The following GPSM2 variants were observed in gnomAD, a reference collection of about 807,000 sequenced individuals.
GPSM2 encodes G protein signaling modulator 2.
Under a neutral mutation model 78.4 loss-of-function variants are expected in GPSM2, and 58 were observed. The observed-to-expected ratio is 0.74, with a 90% confidence interval of 0.60 to 0.92. GPSM2 has a LOEUF of 0.92. Among genes scored for constraint, GPSM2 ranks in the 40% least tolerant of loss-of-function variants. The probability of loss-of-function intolerance (pLI) is 0.00; values close to 1 mark genes in which losing one functional copy is unlikely to be tolerated. For missense variants in GPSM2, 700 were observed against 815.5 expected (o/e 0.86, Z 1.73); for synonymous variants, 224 against 280.2 (o/e 0.80, Z 2.00).
Position 108,896,971 on chromosome 1 carries a change from C to T in GPSM2, c.164C>T (p.Thr55Ile). 6.2e-7 allele frequency: 1 copy of T among 1,614,016 alleles called. No individual in the cohort carries two copies. Among genetic ancestry groups the T allele is most frequent in the Non-Finnish European group, 8.5e-7 (1 of 1,179,860 alleles). ...SFFEAAVQVG[T>I]EDLKTLSAIY... ...TTTGAAGCTGCAGTTCAAGTTGGAA[C>T]TGAAGACCTAAAAACACTTAGCGCT... Residue 55 changes from threonine to isoleucine, a missense_variant, in exon 3 of 15, where the codon ACT becomes ATT. Thr to Ile is a moderately conservative substitution (Grantham distance 89). Transcript: ENST00000264126.
At chr1:108,908,808 G>A (rs192689123) in intron 10 of GPSM2, among the ~76,000 whole-genome samples, 2 of 150,644 alleles carry the variant, frequency 1.3e-5, no homozygotes, top group South Asian at 2.1e-4. Flanking sequence ...AGTTTAGACC[G>A]ACTTGGGCAC....
At chr1:108,904,018 C>CT in intron 9 of GPSM2, 107 bp from the exon 10 acceptor site, 1 of 779,976 alleles carries the variant, frequency 1.3e-6, no homozygotes, top group Non-Finnish European at 2.2e-6. Context: ...TAACTATTTT[C>CT]ATTTCTCTAT....
chr1:108,877,573 ATG>A (rs1288587923), intron 1 of GPSM2: 1 of 151,436 alleles, frequency 6.6e-6, no homozygotes, highest in East Asian at 1.9e-4. Context: ...ACCACTCTGA[ATG>A]TGAGTAACAA....
Position 108,917,609 on chromosome 1 carries a change from C to CACAT in GPSM2, c.1264-1002_1264-999dup, listed in dbSNP as rs1557875513. Among the ~76,000 whole-genome samples the CACAT allele has an allele frequency of 3.1e-4, 28 of 90,264 alleles. 3 individuals carry two copies. In the East Asian group the frequency reaches 0.024, roughly 77 times the overall value. The allele number at this position is 90,264 out of a possible 152,430, so 59.2% of individuals were successfully genotyped here. A position where few individuals can be genotyped will look rare whatever the true frequency, so the allele number is the denominator to read the frequency against. On this transcript the variant is annotated intron_variant, in intron 11 of 14. Coordinates refer to ENST00000264126, the MANE Select transcript of GPSM2 (RefSeq NM_013296.5). The stretch of plus-strand genomic sequence containing the variant: ...CAACAAATGTATACACACACACACA[C>CACAT]ACATATATATATATATATATATATA...
At chr1:108,882,187 G>A (rs1437702353) in intron 1 of GPSM2, among the ~76,000 whole-genome samples, 1 of 152,172 alleles carries the variant, frequency 6.6e-6, no homozygotes, top group African/African-American at 2.4e-5. Context: ...TTGGTCTCAA[G>A]TGATCCTTCC....
At chr1:108,890,722 A>C (rs964117537) in intron 2 of GPSM2, among the ~76,000 whole-genome samples, 42 of 152,202 alleles carry the variant, frequency 2.8e-4, no homozygotes, top group African/African-American at 9.9e-4. Context: ...GTCCTCCTCT[A>C]TCCCTGGAGG....
At chr1:108,882,275 C>A (rs977330757) in intron 1 of GPSM2, among the ~76,000 whole-genome samples, 8 of 152,146 alleles carry the variant, frequency 5.3e-5, no homozygotes, top group Admixed American at 2.0e-4. Flanking sequence ...AATTTAATAT[C>A]AGTATCTGTG....
rs1557886914 is a variant in GPSM2 at position 108,931,344 on chromosome 1, C to CAAAGT, written c.*1407_*1411dup. 5 of 1,550,574 alleles carry CAAAGT rather than the reference C, an allele frequency of 3.2e-6. No homozygotes were observed. The highest frequency in any genetic ancestry group is 3.9e-5 in the Admixed American group (2 of 50,924). ...AAGGCAGTTTACAAGGGGATGATAA[C>CAAAGT]AAAGTAACTAACTAACTGTAGCAAA... On this transcript the variant is annotated 3_prime_UTR_variant, in exon 15 of 15. Coordinates refer to ENST00000264126, the MANE Select transcript of GPSM2 (RefSeq NM_013296.5).
chr1:108,898,838 G>A, intron 6 of GPSM2, 41 bp from the exon 7 acceptor site: 1 of 1,600,306 alleles, frequency 6.2e-7, no homozygotes, highest in Non-Finnish European at 8.6e-7. Context: ...TCATTCTTCA[G>A]TTTTATTTTA....
chr1:108,926,050 A>T (rs1651093340), intron 14 of GPSM2, among the ~76,000 whole-genome samples: 1 of 152,130 alleles, frequency 6.6e-6, no homozygotes, highest in South Asian at 2.1e-4. Context: ...ATCAGTTAAG[A>T]TTGGAGTTGG....
Position 108,904,308 on chromosome 1 carries a change from A to T in GPSM2, c.1192+54A>T, listed in dbSNP as rs916440758. 30 of 1,139,686 alleles carry T rather than the reference A, an allele frequency of 2.6e-5. 1 individual carries two copies. The African/African-American group carries it at 4.3e-4, about 16-fold the overall frequency. The allele number at this position is 1,139,686 out of a possible 1,614,324, so 70.6% of individuals were successfully genotyped here. ...TTTTTTATCCTCAATATTTAGATTA[A>T]AGTTATTTATCACAAATTTGGCATA... On this transcript the variant is annotated intron_variant, in intron 10 of 14. Transcript: ENST00000264126.
At position 108,885,554 on chromosome 1, in the gene GPSM2, A is replaced by G. The variant is rs1361448663; in HGVS notation, c.32A>G (p.Asp11Gly). Residue 11 changes from aspartate (D) to glycine (G), a missense_variant, in exon 2 of 15, where the codon GAC (aspartate) becomes GGC (glycine). Transcript: ENST00000264126. MEENLISMREDHSFHVRYRME... is the reference protein window; with the variant it reads MEENLISMREGHSFHVRYRME... Reference sequence around the variant, plus strand: ...GAAAATTTGATAAGCATGAGAGAAGACCATTCTTTTCATGTTCGTTACAGG... The same window carrying G: ...GAAAATTTGATAAGCATGAGAGAAGGCCATTCTTTTCATGTTCGTTACAGG... The G allele has an allele frequency of 6.3e-7, 1 of 1,583,358 alleles. No homozygotes were observed. Among genetic ancestry groups the G allele is most frequent in the South Asian group, 1.1e-5 (1 of 90,432 alleles).
At chr1:108,916,281 A>T (rs1343438277) in intron 11 of GPSM2, among the ~76,000 whole-genome samples, 1 of 151,698 alleles carries the variant, frequency 6.6e-6, no homozygotes, top group African/African-American at 2.4e-5. Context: ...AAGAAAAAGG[A>T]ACATCTTTCC....
rs57950486 is a variant in GPSM2, at chr1:108,912,872, C to G, written c.1193-1466C>G. 7.0e-4 allele frequency among the ~76,000 whole-genome samples: 88 copies of G among 125,246 alleles called. No homozygotes were observed. In the East Asian group the frequency reaches 0.021, roughly 30 times the overall value. 82.2% of individuals were successfully genotyped at this position (125,246 alleles called of 152,430 possible). A position where few individuals can be genotyped will look rare whatever the true frequency, so the allele number is the denominator to read the frequency against. On this transcript the variant is annotated intron_variant, in intron 10 of 14. Transcript: ENST00000264126. Reference sequence around the variant, plus strand: ...CCAGCCTGGCCAACATGGTGAAACCCTGTCTCTACTTTAAAAAAAAAAAAG... The same window carrying G: ...CCAGCCTGGCCAACATGGTGAAACCGTGTCTCTACTTTAAAAAAAAAAAAG...
chr1:108,908,931 G>C (rs1649487455), intron 10 of GPSM2, among the ~76,000 whole-genome samples: 1 of 152,096 alleles, frequency 6.6e-6, no homozygotes, highest in Non-Finnish European at 1.5e-5. Flanking sequence ...TTAAGCCCAG[G>C]AGTTTAGACC....
intron 2 of GPSM2, among the ~76,000 whole-genome samples, chr1:108,893,477 G>A (rs996409247): frequency 7.3e-5 from 11 of 151,710 alleles, no homozygotes; most frequent in Admixed American, 7.2e-4. Flanking sequence ...ATTCATTTGT[G>A]GTTTTTTTGC....
At chr1:108,917,666 A>ATATATATATATATATATAT (rs1553215429) in intron 11 of GPSM2, among the ~76,000 whole-genome samples, 43 of 83,976 alleles carry the variant, frequency 5.1e-4, no homozygotes, top group Non-Finnish European at 7.4e-4. Flanking sequence ...ATATATATAT[A>ATATATATATATATATATAT]AATGAGTTCT....
At chr1:108,899,090 T>C in intron 7 of GPSM2, 96 bp downstream of exon 7, 1 of 773,308 alleles carries the variant, frequency 1.3e-6, no homozygotes, top group East Asian at 2.7e-5. Flanking sequence ...GCAGAACTTT[T>C]GGCATCTAAG....
chr1:108,888,380 TTC>T lies in GPSM2; in HGVS notation c.56+2804_56+2805del, dbSNP rs561038026. On this transcript the variant is annotated intron_variant, in intron 2 of 14. Transcript: ENST00000264126. The stretch of plus-strand genomic sequence containing the variant: ...TTTTCCCCGTTGAGACAGAGTCTTG[TTC>T]TGTTTCCCAGACTGGAGTGCAGTGG... Among the ~76,000 whole-genome samples, 22 of 150,672 alleles carry T rather than the reference TTC, an allele frequency of 1.5e-4. No individual in the cohort carries two copies. The South Asian group carries it at 4.2e-3, about 29-fold the overall frequency.
Sources: gnomAD v4.1 joint callset for allele counts (sites outside exome capture counted in the v4.1 genomes callset) on GRCh38, gnomAD v4.1.1 for gene constraint, MANE v1.5 for transcripts, NCBI Gene and HGNC (gene_info 2026-07-23, HGNC 2026-07-21) for gene names.